The following SLCO4A1 variants were observed in gnomAD, a reference collection of about 807,000 sequenced individuals.
The protein encoded by SLCO4A1 is solute carrier organic anion transporter family member 4A1, also known as colon organic anion transporter.
SLCO4A1 carries 51 observed loss-of-function variants against 64.6 expected under a neutral mutation model. The ratio of observed to expected loss-of-function variants is 0.79; its 90% CI spans 0.63 to 1.00. The LOEUF (loss-of-function observed/expected upper bound fraction) is 1.00. SLCO4A1 is among the 50% of genes least tolerant of loss of function. The pLI, the probability that SLCO4A1 is intolerant of heterozygous loss-of-function variation, is 0.00. For synonymous variants in SLCO4A1, 471 were observed against 444.9 expected (o/e 1.06, Z -0.74); for missense variants, 919 against 980.5 (o/e 0.94, Z 0.84).
Position 62,666,457 on chromosome 20 carries a change from T to C in SLCO4A1, c.1354T>C (p.Ser452Pro). 6.2e-7 allele frequency: 1 copy of C among 1,613,428 alleles called. No homozygotes were observed. Among genetic ancestry groups the C allele is most frequent in the South Asian group, 1.1e-5 (1 of 91,082 alleles). The change falls in exon 7 of 12, where the codon TCC (serine) becomes CCC (proline). Residue 452 changes from serine (S) to proline (P), a missense_variant. Coordinates refer to ENST00000217159, the MANE Select transcript of SLCO4A1 (RefSeq NM_016354.4). Reference protein sequence around the residue: ...FFVNKLRLRGSAVIKFCLFCT... With the variant: ...FFVNKLRLRGPAVIKFCLFCT... Reference sequence around the variant, plus strand: ...TGTGAACAAGCTCAGGCTCCGGGGCTCCGCGGTCATCAAGTTCTGCCTGTT... The same window carrying C: ...TGTGAACAAGCTCAGGCTCCGGGGCCCCGCGGTCATCAAGTTCTGCCTGTT...
chr20:62,665,251 G>A (rs1236240887), intron 6 of SLCO4A1, 163 bp downstream of exon 6: 17 of 707,894 alleles, frequency 2.4e-5, no homozygotes, highest in South Asian at 1.5e-4. Flanking sequence ...GGGGCTGAGC[G>A]ACTCTGTCCA....
intron 11 of SLCO4A1, among the ~76,000 whole-genome samples, chr20:62,669,317 C>G (rs570181891): frequency 3.9e-5 from 6 of 152,354 alleles, no homozygotes; most frequent in African/African-American, 1.4e-4. Context: ...CAGCAAAGCC[C>G]AGGCCCAGGC....
chr20:62,649,626 G>A (rs1982066912), intron 1 of SLCO4A1: 1 of 152,374 alleles, frequency 6.6e-6, no homozygotes, highest in African/African-American at 2.4e-5. Context: ...CAGGAGCCAG[G>A]GTGGCCTGGG....
At position 62,646,518 on chromosome 20, in the gene SLCO4A1, A is replaced by G. The variant is rs577990181; in HGVS notation, c.-97+3965A>G. 2.0e-5 allele frequency among the ~76,000 whole-genome samples: 3 copies of G among 152,326 alleles called. No individual in the cohort carries two copies. In the East Asian group the frequency reaches 5.8e-4, roughly 29 times the overall value. ...TAGCCGAGGCACAGCGGGGGTCCTGAGCATGGGCAGGGCAAGCCACTTCCA... is the reference window on the plus strand; with the variant it reads ...TAGCCGAGGCACAGCGGGGGTCCTGGGCATGGGCAGGGCAAGCCACTTCCA... On this transcript the variant is annotated intron_variant, in intron 1 of 11. Transcript: ENST00000217159.
At position 62,667,879 on chromosome 20, in the gene SLCO4A1, C is replaced by T; in HGVS notation, c.1607C>T (p.Ala536Val). 6.2e-7 allele frequency: 1 copy of T among 1,613,926 alleles called. No individual in the cohort carries two copies. Among genetic ancestry groups the T allele is most frequent in the South Asian group, 1.1e-5 (1 of 91,090 alleles). ...TCACTGTGCCACGCAGGGTGCCCTG[C>T]AGCCACGGAGACGAATGTGGACGGC... is the stretch of plus-strand genomic sequence containing the variant. ...YFSLCHAGCPAATETNVDGQK... is the reference protein window; with the variant it reads ...YFSLCHAGCPVATETNVDGQK... Residue 536 changes from alanine (A) to valine (V), a missense_variant, in exon 8 of 12, where the codon GCA becomes GTA. Transcript: ENST00000217159.
chr20:62,661,284 T>A lies in SLCO4A1; in HGVS notation c.1121+109T>A, dbSNP rs1227560473. 18 of 771,952 alleles carry A rather than the reference T, an allele frequency of 2.3e-5. No homozygotes were observed. Among genetic ancestry groups the A allele is most frequent in the Non-Finnish European group, 3.8e-5 (17 of 445,884 alleles). 47.8% of individuals were successfully genotyped at this position (771,952 alleles called of 1,614,324 possible). A position where few individuals can be genotyped will look rare whatever the true frequency, so the allele number is the denominator to read the frequency against. On this transcript the variant is annotated intron_variant, in intron 5 of 11. Transcript: ENST00000217159. This position sits in a 1 kb window ranked among gnomAD's most constrained non-coding sequence, Gnocchi z 5.2. ...GGGATCATGATGGGGACGCAGCCCC[T>A]AACCTCTGTCGTGACCCTGGGCCAA...
Position 62,661,126 on chromosome 20 carries a change from G to A in SLCO4A1, c.1072G>A (p.Gly358Arg). 3 of 1,576,180 alleles carry A rather than the reference G, an allele frequency of 1.9e-6. No homozygotes were observed. The highest frequency in any genetic ancestry group is 2.4e-5 in the East Asian group (1 of 41,650). Residue 358 changes from glycine (G) to arginine (R), a missense_variant, in exon 5 of 12, where the codon GGG (glycine) becomes AGG (arginine). Transcript: ENST00000217159. This position sits in a 1 kb window ranked among gnomAD's most constrained non-coding sequence, Gnocchi z 5.2. The part of the protein sequence containing the change: ...EMHQLKDSSR[G>R]EASNPDFGKT... ...GCACCAGTTGAAGGACAGCAGCCGTGGGGAGGCGAGCAACCCGGACTTTGG... is the reference window on the plus strand; with the variant it reads ...GCACCAGTTGAAGGACAGCAGCCGTAGGGAGGCGAGCAACCCGGACTTTGG...
downstream of SLCO4A1, among the ~76,000 whole-genome samples, chr20:62,673,253 CAGGAACAGACCCT>C (rs1488043142): frequency 3.9e-5 from 5 of 129,414 alleles, 1 homozygote; most frequent in Admixed American, 3.7e-4. Context: ...GAAGGGAGTG[CAGGAACAGACCCT>C]AGAGGGAGTA....
At chr20:62,650,736 T>C (rs1982331550) in intron 1 of SLCO4A1, 2 of 152,152 alleles carry the variant, frequency 1.3e-5, no homozygotes, top group African/African-American at 4.8e-5. Flanking sequence ...CAAGCATGCG[T>C]CTGGCTGTCC....
At chr20:62,682,792 G>A (rs2427377) in intron 2 of SLCO4A1, among the ~76,000 whole-genome samples, 41,846 of 152,048 alleles carry the variant, frequency 0.28, 6,094 homozygotes, top group Non-Finnish European at 0.32. Flanking sequence ...TGTCACCCCC[G>A]ACTTAGTGTC....
chr20:62,667,683 C>T (rs1188009733), intron 7 of SLCO4A1, 62 bp from the exon 8 acceptor site: 2 of 1,542,928 alleles, frequency 1.3e-6, no homozygotes, highest in Non-Finnish European at 1.8e-6. Context: ...TGACCCTGTG[C>T]CTGCTGGGCG....
In SLCO4A1 at chr20:62,666,470, A is replaced by C. The variant is rs1454267483; in HGVS notation, c.1367A>C (p.Lys456Thr). 6.2e-7 allele frequency: 1 copy of C among 1,613,466 alleles called. No homozygotes were observed. Among genetic ancestry groups the C allele is most frequent in the South Asian group, 1.1e-5 (1 of 91,076 alleles). ...AGGCTCCGGGGCTCCGCGGTCATCAAGTTCTGCCTGTTCTGCACCGTTGTC... is the reference window on the plus strand; with the variant it reads ...AGGCTCCGGGGCTCCGCGGTCATCACGTTCTGCCTGTTCTGCACCGTTGTC... ...KLRLRGSAVI[K>T]FCLFCTVVSL... Residue 456 changes from lysine to threonine, a missense_variant, in exon 7 of 12, where the codon AAG becomes ACG. By Grantham distance (78) the Lys-to-Thr change is moderately conservative. Coordinates refer to ENST00000217159, the MANE Select transcript of SLCO4A1 (RefSeq NM_016354.4).
At chr20:62,689,737 G>A (rs1284417161), downstream of SLCO4A1, among the ~76,000 whole-genome samples, 6 of 152,256 alleles carry the variant, frequency 3.9e-5, no homozygotes, top group Non-Finnish European at 7.3e-5. Context: ...CGGGGGCTCA[G>A]GCAGAGCTGT....
At chr20:62,670,461 C>T (rs749307587) in intron 11 of SLCO4A1, among the ~76,000 whole-genome samples, 30 of 152,206 alleles carry the variant, frequency 2.0e-4, no homozygotes, top group Non-Finnish European at 2.9e-4. Flanking sequence ...CCCAAAGCAC[C>T]GGAGCACTCA....
At chr20:62,675,926 G>T (rs1396340413), downstream of SLCO4A1, among the ~76,000 whole-genome samples, 1 of 152,176 alleles carries the variant, frequency 6.6e-6, no homozygotes, top group African/African-American at 2.4e-5. Flanking sequence ...AGAGGGAGAG[G>T]CAGGCAGGAG....
chr20:62,672,384 A>G, downstream of SLCO4A1: 1 of 733,462 alleles, frequency 1.4e-6, no homozygotes, highest in Non-Finnish European at 1.7e-6. Flanking sequence ...AGCCCTGTGG[A>G]ATCCGTGGAT....
At chr20:62,666,235 T>G in intron 6 of SLCO4A1, 145 bp from the exon 7 acceptor site, 1 of 632,606 alleles carries the variant, frequency 1.6e-6, no homozygotes, top group Non-Finnish European at 2.7e-6. Flanking sequence ...CACTCAGGTG[T>G]GGTGTTGAGT....
chr20:62,663,264 T>G (rs1462184992), intron 5 of SLCO4A1: 1 of 152,178 alleles, frequency 6.6e-6, no homozygotes, highest in African/African-American at 2.4e-5. Flanking sequence ...TTCTTCAGAA[T>G]CCATTTACAT....
intron 2 of SLCO4A1, among the ~76,000 whole-genome samples, chr20:62,683,337 G>A (rs1311712895): frequency 1.3e-5 from 2 of 152,104 alleles, no homozygotes; most frequent in Non-Finnish European, 2.9e-5. Context: ...AGAGCCAGCC[G>A]CTCGCTGCTG....
Sources: allele counts gnomAD v4.1 joint callset (sites outside exome capture counted in the v4.1 genomes callset), GRCh38; gene constraint gnomAD v4.1.1; non-coding constraint Gnocchi (gnomAD v3.1); transcripts MANE v1.5; gene names NCBI Gene and HGNC (gene_info 2026-07-23, HGNC 2026-07-21).